The following NLRP1 variants were observed in gnomAD, a reference collection of about 807,000 sequenced individuals.
NLRP1 encodes NLR family pyrin domain containing 1, also known as NACHT, LRR and PYD domains-containing protein 1.
NLRP1 carries 94 observed loss-of-function variants against 136.7 expected under a neutral mutation model. The ratio of observed to expected loss-of-function variants is 0.69; its 90% CI spans 0.58 to 0.82. The LOEUF is 0.82. Among genes scored for constraint, NLRP1 ranks in the 40% least tolerant of loss-of-function variants. The pLI is 0.00. For missense variants in NLRP1, 1,575 were observed against 1,802.7 expected, an observed-to-expected ratio of 0.87 and a Z score of 2.29; for synonymous variants, 690 against 725.1, an observed-to-expected ratio of 0.95 and a Z score of 0.78.
At chr17:5,553,631 A>G (rs1913658635) in intron 4 of NLRP1, 75 bp from the exon 5 acceptor site, 1 of 1,377,426 alleles carries the variant, frequency 7.3e-7, no homozygotes, top group Non-Finnish European at 1.0e-6. Context: ...CCTGCACAAC[A>G]CAGTTGGGCT....
chr17:5,505,813 A>C (rs1049643474), intron 15 of NLRP1: 2 of 152,290 alleles, frequency 1.3e-5, no homozygotes, highest in African/African-American at 4.8e-5. Flanking sequence ...CGCTTCCAGC[A>C]TCTCAGCTTC....
chr17:5,544,137 T>C (rs1912237759), intron 5 of NLRP1, among the ~76,000 whole-genome samples: 1 of 152,132 alleles, frequency 6.6e-6, no homozygotes, highest in Non-Finnish European at 1.5e-5. Context: ...GGGGAAATAG[T>C]TCTTGGTCAT....
intron 4 of NLRP1, among the ~76,000 whole-genome samples, chr17:5,556,458 A>G (rs1914090401): frequency 1.5e-5 from 2 of 130,740 alleles, no homozygotes; most frequent in African/African-American, 5.3e-5. Flanking sequence ...CGTCTCAGAC[A>G]ACAACAAACC....
intron 14 of NLRP1, 119 bp from the exon 15 acceptor site, chr17:5,518,006 G>T: frequency 2.2e-6 from 2 of 896,128 alleles, no homozygotes; most frequent in Non-Finnish European, 3.4e-6. Flanking sequence ...TCCCTGTACT[G>T]AAATCAACCA....
At chr17:5,538,993 T>C (rs12150026) in intron 7 of NLRP1, among the ~76,000 whole-genome samples, 7,130 of 152,154 alleles carry the variant, frequency 0.047, 192 homozygotes, top group Middle Eastern at 0.088. Context: ...TGATTCTCCC[T>C]GCAAGTAGCT....
Position 5,521,783 on chromosome 17 carries a change from C to T in NLRP1, c.3524G>A (p.Gly1175Asp). 6.3e-7 allele frequency: 1 copy of T among 1,592,520 alleles called. No homozygotes were observed. The highest frequency in any genetic ancestry group is 8.6e-7 in the Non-Finnish European group (1 of 1,168,794). Residue 1175 changes from glycine to aspartate, a missense_variant, in exon 13 of 17, where the codon GGC (glycine) becomes GAC (aspartate). By Grantham distance (94) the Gly-to-Asp change is moderately conservative. Transcript: ENST00000572272. ...TTGGAACAGGGATGTGTCCACATGGCCCCCTGTAAAAGAATGGATTGAAGA... is the reference window on the plus strand; with the variant it reads ...TTGGAACAGGGATGTGTCCACATGGTCCCCTGTAAAAGAATGGATTGAAGA... The part of the protein sequence containing the change: ...HLPHFVALQG[G>D]HVDTSLFQMA...
intron 12 of NLRP1, among the ~76,000 whole-genome samples, chr17:5,527,624 G>GA (rs1349176720): frequency 2.6e-4 from 40 of 152,236 alleles, no homozygotes; most frequent in African/African-American, 9.1e-4. Flanking sequence ...GGTTCATTAT[G>GA]AAAAAAGAGA....
At chr17:5,571,809 TA>T (rs1226217263) in intron 3 of NLRP1, among the ~76,000 whole-genome samples, 2 of 151,768 alleles carry the variant, frequency 1.3e-5, no homozygotes, top group Admixed American at 6.6e-5. Context: ...AAGTAAAAAA[TA>T]ACAAATCTGG....
intron 5 of NLRP1, among the ~76,000 whole-genome samples, chr17:5,549,957 T>G (rs1597445294): frequency 1.3e-5 from 2 of 152,348 alleles, no homozygotes; most frequent in East Asian, 1.9e-4. Context: ...GAGATAATCA[T>G]TGGTTTGTGT....
At chr17:5,526,787 T>A (rs1039097002) in intron 12 of NLRP1, among the ~76,000 whole-genome samples, 1 of 152,242 alleles carries the variant, frequency 6.6e-6, no homozygotes, top group Admixed American at 6.5e-5. Flanking sequence ...CATTTTGTGC[T>A]GGGCCCTATG....
chr17:5,524,304 T>C (rs796216521), intron 12 of NLRP1, among the ~76,000 whole-genome samples: 11 of 152,366 alleles, frequency 7.2e-5, no homozygotes, highest in African/African-American at 2.6e-4. Context: ...TGTGACAGTT[T>C]AACTTGCTGC....
downstream of NLRP1, among the ~76,000 whole-genome samples, chr17:5,509,785 G>A (rs1234325251): frequency 2.0e-5 from 3 of 151,766 alleles, no homozygotes; most frequent in Non-Finnish European, 2.9e-5. Context: ...GATTACAGGC[G>A]TGAGTCACCT....
intron 3 of NLRP1, among the ~76,000 whole-genome samples, chr17:5,574,097 T>C (rs996233193): frequency 6.6e-6 from 1 of 152,076 alleles, no homozygotes; most frequent in East Asian, 1.9e-4. Context: ...ATAACCAGTG[T>C]AGAGAAGTCC....
chr17:5,534,440 G>A (rs143587366), intron 8 of NLRP1, among the ~76,000 whole-genome samples: 2 of 152,276 alleles, frequency 1.3e-5, no homozygotes, highest in East Asian at 3.9e-4. Context: ...TGTGGTCCCT[G>A]TCTCTGTGAG....
Position 5,514,860 on chromosome 17 carries a change from T to C in NLRP1, c.4316A>G (p.Lys1439Arg), listed in dbSNP as rs1225503288. The C allele has an allele frequency of 6.2e-7, 1 of 1,614,068 alleles. No individual in the cohort carries two copies. Among genetic ancestry groups the C allele is most frequent in the Non-Finnish European group, 8.5e-7 (1 of 1,180,042 alleles). Residue 1439 changes from lysine (K) to arginine (R), a missense_variant, in exon 17 of 17, where the codon AAG (lysine) becomes AGG (arginine). Lys to Arg is a conservative substitution (Grantham distance 26). Coordinates refer to ENST00000572272, the MANE Select transcript of NLRP1 (RefSeq NM_033004.4). ...LFSLSQSWDR[K>R]CKDGLYQALK... ...GGCTTGGTAGAGTCCATCTTTGCACTTCCGGTCCCAGGACTGGCTCAAGCT... is the reference window on the plus strand; with the variant it reads ...GGCTTGGTAGAGTCCATCTTTGCACCTCCGGTCCCAGGACTGGCTCAAGCT...
chr17:5,507,994 C>T (rs8073764), intron 15 of NLRP1, among the ~76,000 whole-genome samples: 42,629 of 151,392 alleles, frequency 0.28, 6,433 homozygotes, highest in African/African-American at 0.4. Context: ...ATTAGCCAGG[C>T]GTGGTGGCGC....
intron 3 of NLRP1, among the ~76,000 whole-genome samples, chr17:5,573,328 C>T (rs1014872968): frequency 6.6e-6 from 1 of 152,196 alleles, no homozygotes; most frequent in Non-Finnish European, 1.5e-5. Flanking sequence ...GAAGCTTGAA[C>T]TGGGTGGAGC....
chr17:5,521,708 A>G lies in NLRP1; in HGVS notation c.3599T>C (p.Val1200Ala). 1.9e-6 allele frequency: 3 copies of G among 1,613,388 alleles called. No homozygotes were observed. The highest frequency in any genetic ancestry group is 2.5e-6 in the Non-Finnish European group (3 of 1,179,996). Residue 1200 changes from valine (V) to alanine (A), a missense_variant, in exon 13 of 17, where the codon GTG (valine) becomes GCG (alanine). Transcript: ENST00000572272. The part of the protein sequence containing the change: ...EGMLLEKPAR[V>A]ELHHIVLENP... ...TTCCAGAACTATGTGATGCAGCTCC[A>G]CCCTGGCTGGCTTCTCCAGGAGCAT...
chr17:5,532,979 T>C lies in NLRP1; in HGVS notation c.3139A>G (p.Ser1047Gly), dbSNP rs1910510378. The C allele has an allele frequency of 1.9e-6, 3 of 1,611,374 alleles. No homozygotes were observed. Among genetic ancestry groups the C allele is most frequent in the Non-Finnish European group, 1.7e-6 (2 of 1,178,948 alleles). Residue 1047 changes from serine to glycine, a missense_variant, in exon 11 of 17, where the codon AGC (serine) becomes GGC (glycine). Physicochemically the swap from Ser to Gly is moderately conservative, Grantham distance 56. Coordinates refer to ENST00000572272, the MANE Select transcript of NLRP1 (RefSeq NM_033004.4). The part of the protein sequence containing the change: ...IFPIAEIAEE[S>G]SPEVVPVELL... ...TCCACCGGTACTACCTCTGGGGAGC[T>C]TTCCTCTGAAACAGCAAGGCAGCGG...
Sources: gnomAD v4.1 joint callset for allele counts (sites outside exome capture counted in the v4.1 genomes callset) on GRCh38, gnomAD v4.1.1 for gene constraint, MANE v1.5 for transcripts, NCBI Gene and HGNC (gene_info 2026-07-23, HGNC 2026-07-21) for gene names.